The following DLGAP2 variants were observed in gnomAD, a reference collection of about 807,000 sequenced individuals.
The protein encoded by DLGAP2 is disks large-associated protein 2.
In DLGAP2, 26 loss-of-function variants were observed where a neutral mutation model predicts 100.3. The observed-to-expected ratio is 0.26, with a 90% confidence interval of 0.19 to 0.36. The LOEUF (loss-of-function observed/expected upper bound fraction) is 0.36, where lower values mean the gene tolerates loss of function less well. Among genes scored for constraint, DLGAP2 ranks in the 10% least tolerant of loss-of-function variants. The pLI is 1.00. For synonymous variants in DLGAP2, 886 were observed against 630.1 expected (o/e 1.41, Z -6.08); for missense variants, 1,858 against 1,453.2 (o/e 1.28, Z -4.53).
intron 6 of DLGAP2, among the ~76,000 whole-genome samples, chr8:1,585,288 C>T (rs1228571183): frequency 6.6e-6 from 1 of 152,054 alleles, no homozygotes; most frequent in Non-Finnish European, 1.5e-5. Flanking sequence ...GATGGCAAAA[C>T]CCTGTCTGTA....
chr8:802,376 C>G (rs932000731), intron 1 of DLGAP2, among the ~76,000 whole-genome samples: 2 of 151,858 alleles, frequency 1.3e-5, no homozygotes, highest in Non-Finnish European at 2.9e-5. Flanking sequence ...CTTCCCTCAT[C>G]CAGCCCAGTC....
At chr8:1,363,362 G>A (rs919481851) in intron 3 of DLGAP2, among the ~76,000 whole-genome samples, 4 of 152,102 alleles carry the variant, frequency 2.6e-5, no homozygotes, top group Admixed American at 6.5e-5. Flanking sequence ...CTGCCTCGCC[G>A]GTCCCACGTC....
chr8:1,607,638 C>G (rs1796844048), intron 6 of DLGAP2, among the ~76,000 whole-genome samples: 1 of 152,230 alleles, frequency 6.6e-6, no homozygotes, highest in Non-Finnish European at 1.5e-5. Context: ...CCGGGTTCAT[C>G]TCACTAGGGA....
Position 1,210,931 on chromosome 8 carries a change from A to G in DLGAP2, c.74-47920A>G, listed in dbSNP as rs546954962. Among the ~76,000 whole-genome samples the G allele has an allele frequency of 1.0e-3, 114 of 110,236 alleles. 2 individuals are homozygous for G. The South Asian group carries it at 0.014, about 13-fold the overall frequency. The allele number at this position is 110,236 out of a possible 152,430, so 72.3% of individuals were successfully genotyped here. A position where few individuals can be genotyped will look rare whatever the true frequency, so the allele number is the denominator to read the frequency against. The stretch of plus-strand genomic sequence containing the variant: ...CAGGACGCTGCCCTTCTGCCCAGCA[A>G]TCAATGCCATTTTCCATTAGGTTCA... On this transcript the variant is annotated intron_variant, in intron 2 of 14. Transcript: ENST00000637795.
intron 2 of DLGAP2, among the ~76,000 whole-genome samples, chr8:1,258,149 C>T (rs1031897653): frequency 6.6e-6 from 1 of 152,142 alleles, no homozygotes; most frequent in Non-Finnish European, 1.5e-5. Context: ...TTAGTGTTTT[C>T]CTGAAAGATA....
At chr8:925,431 T>C (rs1374439974) in intron 2 of DLGAP2, among the ~76,000 whole-genome samples, 1 of 152,150 alleles carries the variant, frequency 6.6e-6, no homozygotes, top group African/African-American at 2.4e-5. Flanking sequence ...TGAAGTTACC[T>C]CACGGAAGGA....
chr8:751,062 C>T (rs891872131), intron 1 of DLGAP2, among the ~76,000 whole-genome samples: 4 of 150,664 alleles, frequency 2.7e-5, no homozygotes, highest in Admixed American at 6.6e-5. Flanking sequence ...CCTGGATCTC[C>T]GGCCACCCTC....
chr8:1,038,835 G>A (rs983928405), intron 2 of DLGAP2, among the ~76,000 whole-genome samples: 63 of 152,082 alleles, frequency 4.1e-4, no homozygotes, highest in Admixed American at 2.0e-3. Flanking sequence ...GTTTTTTTCA[G>A]TCGGAAAATC....
At chr8:1,228,173 C>T (rs1798461023) in intron 2 of DLGAP2, among the ~76,000 whole-genome samples, 1 of 142,204 alleles carries the variant, frequency 7.0e-6, no homozygotes, top group Non-Finnish European at 1.6e-5. Flanking sequence ...CACATGTATA[C>T]ATATGTAACA....
At chr8:1,150,586 C>T (rs539654173) in intron 2 of DLGAP2, among the ~76,000 whole-genome samples, 1 of 152,336 alleles carries the variant, frequency 6.6e-6, no homozygotes, top group African/African-American at 2.4e-5. Flanking sequence ...TATGAATCTA[C>T]TGTGGCTTCT....
chr8:1,514,019 T>A (rs187206246), intron 4 of DLGAP2, among the ~76,000 whole-genome samples: 139 of 152,250 alleles, frequency 9.1e-4, no homozygotes, highest in Non-Finnish European at 8.8e-4. Flanking sequence ...TTATCTTACG[T>A]GATATGGGGC....
At chr8:1,253,966 G>T (rs1170210778) in intron 2 of DLGAP2, among the ~76,000 whole-genome samples, 4 of 152,170 alleles carry the variant, frequency 2.6e-5, no homozygotes, top group African/African-American at 9.7e-5. Flanking sequence ...CTGAATCTGT[G>T]GTCAGTTTTG....
chr8:1,095,095 G>T lies in DLGAP2; in HGVS notation c.74-163756G>T, dbSNP rs146757045. Among the ~76,000 whole-genome samples the T allele has an allele frequency of 1.1e-4, 16 of 140,412 alleles. No individual in the cohort carries two copies. In the East Asian group the frequency reaches 1.3e-3, roughly 11 times the overall value. 92.1% of individuals were successfully genotyped at this position (140,412 alleles called of 152,430 possible). On this transcript the variant is annotated intron_variant, in intron 2 of 14. Coordinates refer to ENST00000637795, the MANE Select transcript of DLGAP2 (RefSeq NM_001346810.2). ...CCCAGGGTGGAGTGAGACAGCCTGGGGCAGCAGCCTGCGCTGGCATGGACC... is the reference window on the plus strand; with the variant it reads ...CCCAGGGTGGAGTGAGACAGCCTGGTGCAGCAGCCTGCGCTGGCATGGACC...
At chr8:870,856 G>C (rs1797583820) in intron 1 of DLGAP2, among the ~76,000 whole-genome samples, 1 of 152,162 alleles carries the variant, frequency 6.6e-6, no homozygotes, top group Non-Finnish European at 1.5e-5. Context: ...CCTCACCGCT[G>C]ATAAGGACAG....
At position 1,702,191 on chromosome 8, in the gene DLGAP2, C is replaced by T. The variant is rs1305097182; in HGVS notation, c.*785C>T. 1.3e-5 allele frequency: 2 copies of T among 152,082 alleles called. No individual in the cohort carries two copies. The highest frequency in any genetic ancestry group is 2.4e-5 in the African/African-American group (1 of 41,422). 9.4% of individuals were successfully genotyped at this position (152,082 alleles called of 1,614,324 possible). A position where few individuals can be genotyped will look rare whatever the true frequency, so the allele number is the denominator to read the frequency against. On this transcript the variant is annotated 3_prime_UTR_variant, in exon 15 of 15. Coordinates refer to ENST00000637795, the MANE Select transcript of DLGAP2 (RefSeq NM_001346810.2). ...GAGGGCTGGGAGCTTAAAAGGAAAA[C>T]AATGTCCTTACTTGTAAACAGTTAT...
intron 4 of DLGAP2, among the ~76,000 whole-genome samples, chr8:1,513,522 G>C (rs1296977020): frequency 1.3e-5 from 2 of 152,254 alleles, no homozygotes; most frequent in African/African-American, 2.4e-5. Flanking sequence ...TCAGTGGCAA[G>C]TGGTTTGCCT....
intron 3 of DLGAP2, among the ~76,000 whole-genome samples, chr8:1,357,445 C>G (rs541361355): frequency 6.2e-4 from 93 of 149,612 alleles, no homozygotes; most frequent in African/African-American, 2.1e-3. Flanking sequence ...ACAGTCACTG[C>G]AATTATCAGG....
At position 1,277,425 on chromosome 8, in the gene DLGAP2, G is replaced by T. The variant is rs150046537; in HGVS notation, c.106+18542G>T. On this transcript the variant is annotated intron_variant, in intron 3 of 14. Transcript: ENST00000637795. ...CACGGAGAAATACATAGAGCAAGAA[G>T]CATATAAAACAAACATCTGACCTGT... Among the ~76,000 whole-genome samples, 772 of 152,310 alleles carry T rather than the reference G, an allele frequency of 5.1e-3. 6 individuals carry two copies. The highest frequency in any genetic ancestry group is 0.017 in the African/African-American group (693 of 41,566).
chr8:1,167,571 T>C (rs911775627), intron 2 of DLGAP2, among the ~76,000 whole-genome samples: 2 of 152,188 alleles, frequency 1.3e-5, no homozygotes, highest in African/African-American at 4.8e-5. Flanking sequence ...AATCAGATGA[T>C]CATAAGTGGC....
Sources: gnomAD v4.1 joint callset for allele counts (sites outside exome capture counted in the v4.1 genomes callset) on GRCh38, gnomAD v4.1.1 for gene constraint, MANE v1.5 for transcripts, NCBI Gene and HGNC (gene_info 2026-07-23, HGNC 2026-07-21) for gene names.